Variants in KCNIP4 observed in about 807,000 individuals in gnomAD.
KCNIP4 encodes potassium voltage-gated channel interacting protein 4, also known as Kv channel-interacting protein 4.
In KCNIP4, 12 loss-of-function variants were observed where a neutral mutation model predicts 34.0. The observed-to-expected ratio is 0.35, with a 90% confidence interval of 0.23 to 0.57. KCNIP4 has a LOEUF of 0.57. Ranked by LOEUF, KCNIP4 falls within the 20% of genes least tolerant of loss-of-function variation. The pLI is 0.83. For synonymous variants in KCNIP4, 124 were observed against 102.2 expected, an observed-to-expected ratio of 1.21 and a Z score of -1.29; for missense variants, 238 against 311.7, an observed-to-expected ratio of 0.76 and a Z score of 1.78.
intron 1 of KCNIP4, among the ~76,000 whole-genome samples, chr4:21,417,707 C>T (rs1036696231): frequency 1.3e-4 from 20 of 152,084 alleles, no homozygotes; most frequent in African/African-American, 4.3e-4. Context: ...AAGTAGTCCT[C>T]GGATTTTTCT....
chr4:21,626,592 C>G (rs1480183636), intron 1 of KCNIP4, among the ~76,000 whole-genome samples: 1 of 151,882 alleles, frequency 6.6e-6, no homozygotes, highest in Non-Finnish European at 1.5e-5. Context: ...TATGGCAGCC[C>G]AAGCAGACTA....
At chr4:20,878,407 CTT>C (rs143546709) in intron 2 of KCNIP4, among the ~76,000 whole-genome samples, 4,387 of 152,242 alleles carry the variant, frequency 0.029, 72 homozygotes, top group Non-Finnish European at 0.036. Context: ...ATTTTAAGGA[CTT>C]AAAAGACATC....
At chr4:21,449,407 T>C (rs73249587) in intron 1 of KCNIP4, among the ~76,000 whole-genome samples, 15,221 of 152,070 alleles carry the variant, frequency 0.1, 836 homozygotes, top group Middle Eastern at 0.17. Context: ...ATTTAGAGTC[T>C]CACCCATACC....
intron 1 of KCNIP4, among the ~76,000 whole-genome samples, chr4:20,946,960 C>A (rs886797149): frequency 6.6e-6 from 1 of 152,098 alleles, no homozygotes; most frequent in East Asian, 1.9e-4. Context: ...GATGAGCCTG[C>A]CTATATGTAT....
chr4:21,858,697 T>A (rs1188815880), intron 1 of KCNIP4, among the ~76,000 whole-genome samples: 1 of 152,216 alleles, frequency 6.6e-6, no homozygotes, highest in Non-Finnish European at 1.5e-5. Context: ...TTGCCATCAC[T>A]CCTAATTGTG....
chr4:21,106,321 G>A (rs1577700991), intron 1 of KCNIP4, among the ~76,000 whole-genome samples: 3 of 151,664 alleles, frequency 2.0e-5, no homozygotes, highest in South Asian at 4.1e-4. Context: ...GTTTAGTCTT[G>A]GGAGGAGGGT....
At chr4:21,093,699 A>G (rs1747200330) in intron 1 of KCNIP4, among the ~76,000 whole-genome samples, 1 of 152,208 alleles carries the variant, frequency 6.6e-6, no homozygotes, top group South Asian at 2.1e-4. Flanking sequence ...CTTTTTAGTA[A>G]AAAATAACCA....
chr4:21,359,161 A>G (rs1718962455), intron 1 of KCNIP4, among the ~76,000 whole-genome samples: 1 of 152,102 alleles, frequency 6.6e-6, no homozygotes, highest in African/African-American at 2.4e-5. Context: ...GGTTCATCCA[A>G]TTCACTGAAG....
intron 1 of KCNIP4, among the ~76,000 whole-genome samples, chr4:21,855,090 A>C (rs1311428010): frequency 6.6e-6 from 1 of 152,206 alleles, no homozygotes; most frequent in African/African-American, 2.4e-5. Context: ...AAGGTCATTT[A>C]AACATCGTCT....
chr4:21,488,453 T>C (rs942735715), intron 1 of KCNIP4, among the ~76,000 whole-genome samples: 1 of 152,070 alleles, frequency 6.6e-6, no homozygotes, highest in South Asian at 2.1e-4. Flanking sequence ...TTCTTAAGCC[T>C]GGGAGAAATT....
At chr4:21,264,667 G>GTT (rs1218516411) in intron 1 of KCNIP4, among the ~76,000 whole-genome samples, 2 of 152,158 alleles carry the variant, frequency 1.3e-5, no homozygotes, top group Admixed American at 1.3e-4. Context: ...AGCCATGTAA[G>GTT]TTTGTTCAAT....
At position 21,850,036 on chromosome 4, in the gene KCNIP4, G is replaced by A. The variant is rs552113961; in HGVS notation, c.61+98535C>T. 7 of 152,110 alleles carry A rather than the reference G, an allele frequency of 4.6e-5. No individual in the cohort carries two copies. The East Asian group carries it at 1.4e-3, about 29-fold the overall frequency. The allele number at this position is 152,110 out of a possible 1,614,324, so 9.4% of individuals were successfully genotyped here. A position where few individuals can be genotyped will look rare whatever the true frequency, so the allele number is the denominator to read the frequency against. On this transcript the variant is annotated intron_variant, in intron 1 of 8. Transcript: ENST00000382152. ...CAACACATTTCAACTGGTGAAAATA[G>A]TAAGTCCAAGACAGAGTAACTGAAA...
intron 1 of KCNIP4, among the ~76,000 whole-genome samples, chr4:21,937,102 T>C (rs963058397): frequency 2.6e-5 from 4 of 152,140 alleles, no homozygotes; most frequent in African/African-American, 9.7e-5. Flanking sequence ...CTATTCCTAA[T>C]ACTCATCACA....
At chr4:21,486,477 G>A (rs1343588007) in intron 1 of KCNIP4, among the ~76,000 whole-genome samples, 1 of 152,076 alleles carries the variant, frequency 6.6e-6, no homozygotes, top group Non-Finnish European at 1.5e-5. Context: ...CAAAATCAAA[G>A]GAAATGGAAG....
intron 1 of KCNIP4, among the ~76,000 whole-genome samples, chr4:21,519,880 A>T (rs1000014665): frequency 3.4e-5 from 5 of 147,584 alleles, no homozygotes; most frequent in South Asian, 2.1e-4. Context: ...TATAAATTAT[A>T]TATAATTTAA....
intron 1 of KCNIP4, among the ~76,000 whole-genome samples, chr4:21,808,656 G>T (rs1016853759): frequency 6.6e-6 from 1 of 152,236 alleles, no homozygotes; most frequent in Admixed American, 6.5e-5. Context: ...CTCCTACATT[G>T]TTCAAGGTAA....
At chr4:20,808,832 C>A (rs1311348328) in intron 3 of KCNIP4, among the ~76,000 whole-genome samples, 4 of 152,194 alleles carry the variant, frequency 2.6e-5, no homozygotes, top group African/African-American at 4.8e-5. Context: ...TTTGGAGCCA[C>A]TCTCCCCCAT....
At chr4:21,440,396 T>G (rs1190512170) in intron 1 of KCNIP4, among the ~76,000 whole-genome samples, 9 of 152,252 alleles carry the variant, frequency 5.9e-5, no homozygotes, top group Non-Finnish European at 1.5e-5. Flanking sequence ...AATTGTCATC[T>G]AATTGGAAGA....
chr4:21,293,287 T>G (rs1763647228), intron 1 of KCNIP4, among the ~76,000 whole-genome samples: 1 of 151,870 alleles, frequency 6.6e-6, no homozygotes, highest in African/African-American at 2.4e-5. Context: ...CTCAAAGGAG[T>G]CAAGTATGTT....
Sources: gnomAD v4.1 joint callset for allele counts (sites outside exome capture counted in the v4.1 genomes callset) on GRCh38, gnomAD v4.1.1 for gene constraint, MANE v1.5 for transcripts, NCBI Gene and HGNC (gene_info 2026-07-23, HGNC 2026-07-21) for gene names.